CDH4: variants seen among roughly 807,000 people sequenced by gnomAD.
The protein encoded by CDH4 is cadherin 4, also known as cadherin-4.
A neutral mutation model predicts 86.0 loss-of-function variants in CDH4; 33 were observed. That is an observed-to-expected ratio of 0.38 (90% CI 0.29 to 0.51). The LOEUF is 0.51. Ranked by LOEUF, CDH4 falls within the 20% of genes least tolerant of loss-of-function variation. The pLI, the probability that CDH4 is intolerant of heterozygous loss-of-function variation, is 0.86. For missense variants in CDH4, 1,114 were observed against 1,307.4 expected (o/e 0.85, Z 2.28); for synonymous variants, 555 against 549.4 (o/e 1.01, Z -0.14).
intron 4 of CDH4, among the ~76,000 whole-genome samples, chr20:61,832,214 G>A (rs1160377417): frequency 1.3e-5 from 2 of 152,222 alleles, no homozygotes; most frequent in African/African-American, 4.8e-5. Context: ...GGTCAGAGCA[G>A]GGGCACTGGG....
At chr20:61,513,554 C>T (rs538471392) in intron 2 of CDH4, among the ~76,000 whole-genome samples, 118 of 152,324 alleles carry the variant, frequency 7.7e-4, no homozygotes, top group African/African-American at 2.5e-3. Flanking sequence ...GGAAGCCGGG[C>T]CCAGAATTCC....
intron 2 of CDH4, among the ~76,000 whole-genome samples, chr20:61,313,578 C>A (rs545661523): frequency 6.6e-6 from 1 of 152,204 alleles, no homozygotes; most frequent in Non-Finnish European, 1.5e-5. Flanking sequence ...CGGTTGCTTG[C>A]AGCCTGCATG....
intron 6 of CDH4, among the ~76,000 whole-genome samples, chr20:61,857,608 A>G (rs2146121598): frequency 6.6e-6 from 1 of 152,398 alleles, no homozygotes; most frequent in South Asian, 2.1e-4. Context: ...CGTCCACCCA[A>G]GCTTCGCCAC....
intron 2 of CDH4, among the ~76,000 whole-genome samples, chr20:61,638,249 A>C (rs2086969730): frequency 6.6e-6 from 1 of 152,190 alleles, no homozygotes; most frequent in South Asian, 2.1e-4. Flanking sequence ...ATCTCATGGC[A>C]GCCCTGAGTA....
intron 2 of CDH4, among the ~76,000 whole-genome samples, chr20:61,274,000 G>A (rs2084206200): frequency 1.4e-5 from 2 of 143,828 alleles, no homozygotes; most frequent in Non-Finnish European, 1.5e-5. Context: ...GTTTGGGAGA[G>A]CACCATGCAC....
intron 2 of CDH4, among the ~76,000 whole-genome samples, chr20:61,378,482 C>T (rs892670363): frequency 4.6e-5 from 7 of 152,246 alleles, no homozygotes; most frequent in Non-Finnish European, 7.4e-5. Flanking sequence ...CTGCTGGCTC[C>T]GGCTTTCCTT....
At position 61,923,619 on chromosome 20, in the gene CDH4, C is replaced by T. The variant is rs1170788458; in HGVS notation, c.1543C>T (p.Arg515Cys). The stretch of plus-strand genomic sequence containing the variant: ...CTTCCCCTCAAACCACAAGCTGATC[C>T]GCCTGGAGGAGGGCGTGCCCCCCGG... ...PYFPSNHKLIRLEEGVPPGTV... is the reference protein window; with the variant it reads ...PYFPSNHKLICLEEGVPPGTV... Residue 515 changes from arginine to cysteine, a missense_variant, in exon 10 of 16, where the codon CGC (arginine) becomes TGC (cysteine). Coordinates refer to ENST00000614565, the MANE Select transcript of CDH4 (RefSeq NM_001794.5). 12 of 1,613,988 alleles carry T rather than the reference C, an allele frequency of 7.4e-6. No individual in the cohort carries two copies. The highest frequency in any genetic ancestry group is 2.7e-5 in the African/African-American group (2 of 74,940).
intron 2 of CDH4, among the ~76,000 whole-genome samples, chr20:61,730,427 C>T (rs544406710): frequency 8.5e-5 from 13 of 152,268 alleles, no homozygotes; most frequent in Admixed American, 4.6e-4. Context: ...TTCAGATGGG[C>T]GTCTTTCAGT....
chr20:61,927,946 C>T (rs999828132), intron 11 of CDH4, among the ~76,000 whole-genome samples: 4 of 152,108 alleles, frequency 2.6e-5, no homozygotes, highest in African/African-American at 9.7e-5. Flanking sequence ...GTTGAGGTGC[C>T]GTACGCAGTG....
At position 61,321,678 on chromosome 20, in the gene CDH4, G is replaced by A. The variant is rs138168053; in HGVS notation, c.169+66741G>A. On this transcript the variant is annotated intron_variant, in intron 2 of 15. Coordinates refer to ENST00000614565, the MANE Select transcript of CDH4 (RefSeq NM_001794.5). ...GTTGCCACTATTTGATGGCAGAGCC[G>A]CCTCCCTGGAGTAGCCTGCAGAATT... 1.5e-4 allele frequency among the ~76,000 whole-genome samples: 23 copies of A among 152,244 alleles called. No individual in the cohort carries two copies. The Middle Eastern group carries it at 0.01, about 68-fold the overall frequency.
chr20:61,505,521 A>G (rs548343032), intron 2 of CDH4, among the ~76,000 whole-genome samples: 15 of 152,320 alleles, frequency 9.8e-5, no homozygotes, highest in Non-Finnish European at 2.1e-4. Context: ...CTTTGGGACT[A>G]TGCAGGGGGC....
intron 4 of CDH4, among the ~76,000 whole-genome samples, chr20:61,808,282 A>G (rs1207878435): frequency 6.6e-6 from 1 of 151,856 alleles, no homozygotes; most frequent in Non-Finnish European, 1.5e-5. Flanking sequence ...TTGATTTCAA[A>G]CCTAAGGGAT....
At chr20:61,396,301 G>A (rs1600937918) in intron 2 of CDH4, among the ~76,000 whole-genome samples, 3 of 152,150 alleles carry the variant, frequency 2.0e-5, no homozygotes, top group South Asian at 2.1e-4. Context: ...CTTGAAGACC[G>A]AGGTCGAGGC....
At chr20:61,908,256 G>A (rs182137904) in intron 8 of CDH4, among the ~76,000 whole-genome samples, 20 of 152,292 alleles carry the variant, frequency 1.3e-4, no homozygotes, top group African/African-American at 4.6e-4. Context: ...ATGCTGACTC[G>A]GCTCCTGCCT....
intron 3 of CDH4, among the ~76,000 whole-genome samples, chr20:61,761,495 G>T (rs902399345): frequency 3.3e-5 from 5 of 152,170 alleles, no homozygotes; most frequent in African/African-American, 4.8e-5. Context: ...TGGTGTGTGT[G>T]TGGCTGGGGT....
Position 61,934,027 on chromosome 20 carries a change from C to T in CDH4, c.2380-29C>T, listed in dbSNP as rs1474626185. The T allele has an allele frequency of 1.9e-6, 3 of 1,608,688 alleles. No individual in the cohort carries two copies. In the South Asian group the frequency reaches 3.3e-5, roughly 18 times the overall value. ...GGGGGCTGGCGGATTCTTCTGATGC[C>T]CCTGACTCCTCCCGGCTCCCTCCCC... On this transcript the variant is annotated intron_variant, in intron 14 of 15. Transcript: ENST00000614565.
chr20:61,254,744 A>T, intron 1 of CDH4, 82 bp from the exon 2 acceptor site: 1 of 921,894 alleles, frequency 1.1e-6, no homozygotes. Context: ...GAGACCTTTT[A>T]CACAGCAGGC....
intron 2 of CDH4, among the ~76,000 whole-genome samples, chr20:61,283,624 CTGTGGTGTGTG>C (rs1022119298): frequency 7.9e-5 from 12 of 152,110 alleles, no homozygotes; most frequent in African/African-American, 2.9e-4. Context: ...CACGTGTGTG[CTGTGGTGTGTG>C]TGTGGTGAGT....
chr20:61,359,399 G>T (rs2084771545), intron 2 of CDH4, among the ~76,000 whole-genome samples: 1 of 152,184 alleles, frequency 6.6e-6, no homozygotes, highest in African/African-American at 2.4e-5. Flanking sequence ...AGGCCACAGA[G>T]GACTGGGCAC....
Sources: allele counts gnomAD v4.1 joint callset (sites outside exome capture counted in the v4.1 genomes callset), GRCh38; gene constraint gnomAD v4.1.1; transcripts MANE v1.5; gene names NCBI Gene and HGNC (gene_info 2026-07-23, HGNC 2026-07-21).